Variants in TBCD observed in about 807,000 individuals in gnomAD.
The protein encoded by TBCD is tubulin-specific chaperone D.
A neutral mutation model predicts 169.3 loss-of-function variants in TBCD; 105 were observed. The ratio of observed to expected loss-of-function variants is 0.62; its 90% CI spans 0.53 to 0.73. The LOEUF is 0.73. Ranked by LOEUF, TBCD falls within the 30% of genes least tolerant of loss-of-function variation. TBCD has a pLI of 0.00. For synonymous variants in TBCD, 700 were observed against 643.9 expected (o/e 1.09, Z -1.32); for missense variants, 1,444 against 1,600.1 (o/e 0.90, Z 1.66).
chr17:82,880,005 T>C lies in TBCD; in HGVS notation c.1476-4140T>C, dbSNP rs1352781395. ...AGGGGGGCTCAAGGGAAGACTCTGC[T>C]TCCCTGCTTGAGTTGCCCGCATTCC... On this transcript the variant is annotated intron_variant, in intron 14 of 38. Transcript: ENST00000355528. This position sits in a 1 kb window ranked among gnomAD's most constrained non-coding sequence, Gnocchi z 5.0. 6.6e-6 allele frequency among the ~76,000 whole-genome samples: 1 copy of C among 152,058 alleles called. No individual in the cohort carries two copies. The highest frequency in any genetic ancestry group is 6.6e-5 in the Admixed American group (1 of 15,264).
intron 33 of TBCD, 146 bp from the exon 34 acceptor site, chr17:82,932,512 G>T (rs2147373153): frequency 4.2e-6 from 3 of 712,344 alleles, no homozygotes; most frequent in East Asian, 2.7e-5. Context: ...CAGTTGTTTT[G>T]TCTTTTCCTG....
chr17:82,756,112 A>C, intron 1 of TBCD, 53 bp from the exon 2 acceptor site: 1 of 1,506,130 alleles, frequency 6.6e-7, no homozygotes, highest in Non-Finnish European at 9.1e-7. Flanking sequence ...TCTGAGGCTC[A>C]TGGGTATGTT....
At chr17:82,882,578 C>G (rs1052756157) in intron 14 of TBCD, among the ~76,000 whole-genome samples, 2 of 152,226 alleles carry the variant, frequency 1.3e-5, no homozygotes, top group African/African-American at 4.8e-5. Flanking sequence ...GATACGTGAG[C>G]CCCTTGCCTG....
At chr17:82,881,393 G>A (rs1189832029) in intron 14 of TBCD, among the ~76,000 whole-genome samples, 1 of 152,270 alleles carries the variant, frequency 6.6e-6, no homozygotes, top group East Asian at 1.9e-4. Flanking sequence ...GGGGTGCAGA[G>A]CTTCTGCAGC....
At chr17:82,816,848 T>TAA (rs35049574) in intron 13 of TBCD, among the ~76,000 whole-genome samples, 4,456 of 115,612 alleles carry the variant, frequency 0.039, 171 homozygotes, top group African/African-American at 0.097. Context: ...CCTGCTTCTT[T>TAA]AAAAAAAAAA....
At chr17:82,860,219 G>A (rs963867293) in intron 13 of TBCD, among the ~76,000 whole-genome samples, 4 of 152,242 alleles carry the variant, frequency 2.6e-5, no homozygotes, top group African/African-American at 9.6e-5. Flanking sequence ...AGCTGTGGGC[G>A]TTCCGAGTGC....
At chr17:82,927,366 A>T (rs753495494) in intron 29 of TBCD, 43 bp downstream of exon 29, 36 of 1,589,708 alleles carry the variant, frequency 2.3e-5, no homozygotes, top group South Asian at 4.5e-5. Flanking sequence ...TGAGAAGCCC[A>T]TCTATTCCGT....
intron 18 of TBCD, among the ~76,000 whole-genome samples, chr17:82,902,961 A>T (rs1175505019): frequency 6.6e-6 from 1 of 152,146 alleles, no homozygotes. Context: ...ATGTTCAACC[A>T]TGGGTGCTTT....
At chr17:82,885,876 A>C (rs1255862185) in intron 15 of TBCD, among the ~76,000 whole-genome samples, 2 of 152,144 alleles carry the variant, frequency 1.3e-5, no homozygotes, top group East Asian at 3.9e-4. Context: ...GGTAAAAGAC[A>C]CCTTTTTGAA....
At chr17:82,939,344 A>C (rs376231636) in intron 36 of TBCD, 23 bp from the exon 37 acceptor site, 9 of 1,595,858 alleles carry the variant, frequency 5.6e-6, no homozygotes, top group African/African-American at 1.3e-5. Context: ...CCCTCCGGCA[A>C]ATGCACTGCA....
chr17:82,878,315 C>T (rs1288419976), intron 14 of TBCD, among the ~76,000 whole-genome samples: 1 of 152,206 alleles, frequency 6.6e-6, no homozygotes. Flanking sequence ...CCTTTAGGGT[C>T]CACAGTTCAG....
At chr17:82,845,000 G>C (rs1429346008) in intron 13 of TBCD, among the ~76,000 whole-genome samples, 1 of 152,110 alleles carries the variant, frequency 6.6e-6, no homozygotes, top group Non-Finnish European at 1.5e-5. Context: ...GGTGGGGGGT[G>C]CTTCCCTGGG....
intron 12 of TBCD, among the ~76,000 whole-genome samples, chr17:82,812,793 G>A (rs1004225568): frequency 3.9e-5 from 6 of 152,142 alleles, no homozygotes; most frequent in Admixed American, 6.6e-5. Flanking sequence ...AGCCCGCCTC[G>A]GCCTCCCGGA....
At chr17:82,843,848 C>T (rs1281349226) in intron 13 of TBCD, among the ~76,000 whole-genome samples, 1 of 152,192 alleles carries the variant, frequency 6.6e-6, no homozygotes, top group Non-Finnish European at 1.5e-5. Flanking sequence ...CACAGCAGTG[C>T]CACCCTTCCC....
chr17:82,921,300 T>G (rs1044750219), intron 24 of TBCD: 2 of 592,854 alleles, frequency 3.4e-6, no homozygotes, highest in Non-Finnish European at 6.0e-6. Flanking sequence ...CAATAAGAGC[T>G]TACACAATTT....
At chr17:82,803,388 G>T (rs1017229788) in intron 9 of TBCD, among the ~76,000 whole-genome samples, 5 of 152,172 alleles carry the variant, frequency 3.3e-5, no homozygotes, top group Admixed American at 3.3e-4. Context: ...TGCGGCACTC[G>T]GCCTCCCAGC....
chr17:82,814,463 C>T (rs753017846), intron 12 of TBCD, among the ~76,000 whole-genome samples: 19 of 152,218 alleles, frequency 1.2e-4, no homozygotes, highest in Non-Finnish European at 2.2e-4. Context: ...GGGGTAGGCA[C>T]GGCTGTTGTC....
intron 9 of TBCD, among the ~76,000 whole-genome samples, chr17:82,802,774 A>C (rs930161680): frequency 6.6e-6 from 1 of 151,582 alleles, no homozygotes; most frequent in Non-Finnish European, 1.5e-5. Flanking sequence ...ACAGATTCAC[A>C]TGCTGGTCCA....
chr17:82,928,226 C>T (rs1436169716), intron 30 of TBCD, among the ~76,000 whole-genome samples: 1 of 152,196 alleles, frequency 6.6e-6, no homozygotes, highest in African/African-American at 2.4e-5. Flanking sequence ...GGACGAGGCT[C>T]TGCTCCCCAG....
Sources: allele counts gnomAD v4.1 joint callset (sites outside exome capture counted in the v4.1 genomes callset), GRCh38; gene constraint gnomAD v4.1.1; non-coding constraint Gnocchi (gnomAD v3.1); transcripts MANE v1.5; gene names NCBI Gene and HGNC (gene_info 2026-07-23, HGNC 2026-07-21).